Variants in DNAH5 observed in about 807,000 individuals in gnomAD.
The protein encoded by DNAH5 is axonemal beta dynein heavy chain 5.
In DNAH5, 372 loss-of-function variants were observed where a neutral mutation model predicts 518.2. That is an observed-to-expected ratio of 0.72 (90% CI 0.66 to 0.78). The LOEUF is 0.78. Among genes scored for constraint, DNAH5 ranks in the 30% least tolerant of loss-of-function variants. The pLI, the probability that DNAH5 is intolerant of heterozygous loss-of-function variation, is 0.00. For missense variants in DNAH5, 5,523 were observed against 5,687.0 expected (o/e 0.97, Z 0.93); for synonymous variants, 2,039 against 2,025.9 (o/e 1.01, Z -0.17).
In DNAH5 at chr5:13,753,669, A is replaced by C. The variant is rs1047910864; in HGVS notation, c.10556-120T>G. 1.1e-4 allele frequency: 98 copies of C among 923,610 alleles called. 1 individual carries two copies. In the East Asian group the frequency reaches 2.6e-3, roughly 24 times the overall value. The allele number at this position is 923,610 out of a possible 1,614,324, so 57.2% of individuals were successfully genotyped here. A position where few individuals can be genotyped will look rare whatever the true frequency, so the allele number is the denominator to read the frequency against. ...TCTTTTAAACTAAATTCCACAAATC[A>C]AACTGGAGGCACAAGTGGCTGTGCT... On this transcript the variant is annotated intron_variant, in intron 62 of 78. Transcript: ENST00000265104.
chr5:13,871,028 T>C (rs1028767982), intron 23 of DNAH5, 26 bp from the exon 24 acceptor site: 18 of 1,581,926 alleles, frequency 1.1e-5, no homozygotes, highest in Non-Finnish European at 1.5e-5. Context: ...TGTCTACAGT[T>C]CAGTTTTAAA....
intron 1 of DNAH5, among the ~76,000 whole-genome samples, chr5:13,993,776 G>C (rs1381033214): frequency 6.6e-6 from 1 of 152,196 alleles, no homozygotes; most frequent in East Asian, 1.9e-4. Context: ...GCCAGAAATT[G>C]GTTGTAATGT....
intron 75 of DNAH5, among the ~76,000 whole-genome samples, chr5:13,711,892 T>C (rs574169530): frequency 3.9e-5 from 6 of 152,150 alleles, no homozygotes; most frequent in African/African-American, 7.2e-5. Context: ...CAAATGGAAA[T>C]ACATTTCATG....
At chr5:13,789,092 G>A (rs1756537788) in intron 50 of DNAH5, among the ~76,000 whole-genome samples, 178 bp from the exon 51 acceptor site, 1 of 152,176 alleles carries the variant, frequency 6.6e-6, no homozygotes, top group Non-Finnish European at 1.5e-5. Context: ...ATATTAAATA[G>A]AAAGTAGTCT....
At chr5:13,717,241 G>A (rs1190545136) in intron 73 of DNAH5, 74 bp downstream of exon 73, 2 of 1,362,652 alleles carry the variant, frequency 1.5e-6, no homozygotes, top group Non-Finnish European at 2.1e-6. Flanking sequence ...TTACGCCAAA[G>A]CTAGGAGGTC....
At chr5:13,875,797 G>GA (rs1770808318) in intron 22 of DNAH5, among the ~76,000 whole-genome samples, 1 of 151,900 alleles carries the variant, frequency 6.6e-6, no homozygotes, top group South Asian at 2.1e-4. Flanking sequence ...ATTAAGAAAG[G>GA]AAAATTAAAA....
intron 74 of DNAH5, 44 bp downstream of exon 74, chr5:13,716,443 C>G (rs1744289034): frequency 1.4e-6 from 2 of 1,420,876 alleles, no homozygotes; most frequent in East Asian, 4.6e-5. Flanking sequence ...ACTCAAGTGG[C>G]TACAGATATT....
chr5:13,975,434 G>C (rs1417121296), intron 1 of DNAH5, among the ~76,000 whole-genome samples: 1 of 152,186 alleles, frequency 6.6e-6, no homozygotes, highest in Non-Finnish European at 1.5e-5. Context: ...ACAAACAACA[G>C]ATGCCAGCCC....
At chr5:13,770,167 C>T (rs986254077) in intron 56 of DNAH5, among the ~76,000 whole-genome samples, 2 of 152,146 alleles carry the variant, frequency 1.3e-5, no homozygotes, top group African/African-American at 4.8e-5. Flanking sequence ...CTTACTCTGG[C>T]TGATTCTAGC....
chr5:13,782,068 T>C (rs553656173), intron 52 of DNAH5, among the ~76,000 whole-genome samples: 1 of 152,266 alleles, frequency 6.6e-6, no homozygotes, highest in South Asian at 2.1e-4. Context: ...AAAATTCCCC[T>C]TGATGTTCTT....
intron 59 of DNAH5, among the ~76,000 whole-genome samples, chr5:13,763,279 T>A (rs141825904): frequency 5.9e-4 from 90 of 152,324 alleles, no homozygotes; most frequent in African/African-American, 1.9e-3. Context: ...AAATCCACAA[T>A]GAAAACTAAA....
chr5:14,001,355 G>GC (rs974470669), intron 1 of DNAH5, among the ~76,000 whole-genome samples: 2 of 151,752 alleles, frequency 1.3e-5, no homozygotes, highest in East Asian at 3.9e-4. Flanking sequence ...GTGATTTTTT[G>GC]TTTTTTTTGT....
intron 1 of DNAH5, among the ~76,000 whole-genome samples, chr5:13,979,543 T>C (rs1782517190): frequency 6.6e-6 from 1 of 152,144 alleles, no homozygotes; most frequent in Non-Finnish European, 1.5e-5. Context: ...CCCACAATAC[T>C]ACCACCACCA....
At chr5:13,863,589 C>T (rs983078381) in intron 28 of DNAH5, among the ~76,000 whole-genome samples, 4 of 152,056 alleles carry the variant, frequency 2.6e-5, no homozygotes, top group African/African-American at 9.7e-5. Context: ...CTCAAATATC[C>T]CTGATCCTTT....
chr5:13,769,002 T>C lies in DNAH5; in HGVS notation c.9855A>G (p.Glu3285=), dbSNP rs1371803534. 6.2e-7 allele frequency: 1 copy of C among 1,614,100 alleles called. No individual in the cohort carries two copies. The highest frequency in any genetic ancestry group is 8.5e-7 in the Non-Finnish European group (1 of 1,180,016). The stretch of plus-strand genomic sequence containing the variant: ...CCTCTTCTAAAGCTGGTTTTGCTGC[T>C]TCCAGTTTTTCTTCAGCAATGGCTT... The part of the protein sequence containing the change: ...KDKAIAEEKL[E]AAKPALEEAE... The change falls in exon 58 of 79, where the codon GAA becomes GAG. Residue 3285 remains glutamate (E), a synonymous_variant. Coordinates refer to ENST00000265104, the MANE Select transcript of DNAH5 (RefSeq NM_001369.3).
At chr5:13,830,882 T>C (rs1308308371) in intron 35 of DNAH5, 107 bp from the exon 36 acceptor site, 3 of 1,035,218 alleles carry the variant, frequency 2.9e-6, no homozygotes, top group Non-Finnish European at 4.4e-6. Context: ...CAAAAGGCCA[T>C]TGTCCCTACC....
intron 60 of DNAH5, among the ~76,000 whole-genome samples, chr5:13,761,359 C>T (rs1366792126): frequency 1.3e-5 from 2 of 152,088 alleles, no homozygotes; most frequent in African/African-American, 4.8e-5. Flanking sequence ...TTTGGGAGGC[C>T]GAGGTGGGCG....
intron 61 of DNAH5, 91 bp from the exon 62 acceptor site, chr5:13,754,429 TG>T: frequency 6.9e-7 from 1 of 1,442,100 alleles, no homozygotes; most frequent in South Asian, 1.1e-5. Flanking sequence ...CCATATTATC[TG>T]CCTTCCTGAG....
At chr5:13,747,510 G>A (rs912043299) in intron 65 of DNAH5, among the ~76,000 whole-genome samples, 5 of 152,196 alleles carry the variant, frequency 3.3e-5, no homozygotes, top group Non-Finnish European at 7.3e-5. Flanking sequence ...CACCAACAGT[G>A]TAAAAGTATT....
Sources: gnomAD v4.1 joint callset for allele counts (sites outside exome capture counted in the v4.1 genomes callset) on GRCh38, gnomAD v4.1.1 for gene constraint, MANE v1.5 for transcripts, NCBI Gene and HGNC (gene_info 2026-07-23, HGNC 2026-07-21) for gene names.